Variants in NID2 observed in about 807,000 individuals in gnomAD.
The protein encoded by NID2 is nidogen 2, also known as nidogen-2.
In NID2, 83 loss-of-function variants were observed where a neutral mutation model predicts 145.4. The observed-to-expected ratio is 0.57, with a 90% CI of 0.48 to 0.69. NID2 has a LOEUF of 0.69. Among genes scored for constraint, NID2 ranks in the 30% least tolerant of loss-of-function variants. The pLI is 0.00. For synonymous variants in NID2, 739 were observed against 701.3 expected, an observed-to-expected ratio of 1.05 and a Z score of -0.85; for missense variants, 1,807 against 1,765.7, an observed-to-expected ratio of 1.02 and a Z score of -0.42.
rs369555436 is a variant in NID2 at position 52,020,130 on chromosome 14, T to C, written c.2723A>G (p.Tyr908Cys). 1 of 1,614,162 alleles carries C rather than the reference T, an allele frequency of 6.2e-7. No homozygotes were observed. Residue 908 changes from tyrosine (Y) to cysteine (C), a missense_variant, in exon 13 of 22, where the codon TAC becomes TGC. By Grantham distance (194) the Tyr-to-Cys change is radical. Transcript: ENST00000216286. ...GCAGGAGAAGGAACCAGGAGTATTG[T>C]AGCAGGTAGCTGCAGGGTGACATCT... ...ENRCHPAATC[Y>C]NTPGSFSCRC...
At chr14:52,007,610 T>C (rs1333497645) in intron 19 of NID2, 200 bp downstream of exon 19, 8 of 576,790 alleles carry the variant, frequency 1.4e-5, no homozygotes, top group South Asian at 1.1e-4. Flanking sequence ...TACTGCTTGA[T>C]ATATCCTTCC....
chr14:52,020,307 G>A, intron 12 of NID2, 129 bp from the exon 13 acceptor site: 1 of 1,452,536 alleles, frequency 6.9e-7, no homozygotes, highest in Non-Finnish European at 9.1e-7. Context: ...GAAGACCTTT[G>A]AGCATGAGCA....
At chr14:52,066,004 C>T (rs1003259014) in intron 2 of NID2, among the ~76,000 whole-genome samples, 1 of 151,050 alleles carries the variant, frequency 6.6e-6, no homozygotes, top group Non-Finnish European at 1.5e-5. Context: ...ATTTATAGTC[C>T]TTTGGGTATA....
In NID2 at chr14:52,054,005, G is replaced by T; in HGVS notation, c.1069+15C>A. On this transcript the variant is annotated intron_variant, in intron 4 of 21. Coordinates refer to ENST00000216286, the MANE Select transcript of NID2 (RefSeq NM_007361.4). ...AAGGGGGAGGACAGATCAGAATCTGGAGGGGAGATCCTACCCTCTAAAGGC... is the reference window on the plus strand; with the variant it reads ...AAGGGGGAGGACAGATCAGAATCTGTAGGGGAGATCCTACCCTCTAAAGGC... 6.2e-7 allele frequency: 1 copy of T among 1,611,588 alleles called. No homozygotes were observed. Among genetic ancestry groups the T allele is most frequent in the African/African-American group, 1.3e-5 (1 of 74,974 alleles).
intron 18 of NID2, 132 bp downstream of exon 18, chr14:52,010,744 G>T: frequency 6.9e-6 from 6 of 868,108 alleles, no homozygotes. Flanking sequence ...TAGATCCTCA[G>T]TAAATCTTTG....
In NID2 at chr14:52,005,691, C is replaced by T. The variant is rs769939498; in HGVS notation, c.4117+46G>A. ...TAATCAAATACCATATATATCCCTT[C>T]TCTACCCTGCTAATTTAAAGGAGCA... On this transcript the variant is annotated intron_variant, in intron 21 of 21. Coordinates refer to ENST00000216286, the MANE Select transcript of NID2 (RefSeq NM_007361.4). 3 of 1,494,278 alleles carry T rather than the reference C, an allele frequency of 2.0e-6. No individual in the cohort carries two copies. In the East Asian group the frequency reaches 6.8e-5, roughly 34 times the overall value. 92.6% of individuals were successfully genotyped at this position (1,494,278 alleles called of 1,614,324 possible).
At chr14:52,014,516 GAA>G (rs1891147674) in intron 15 of NID2, 60 bp from the exon 16 acceptor site, 4 of 1,522,106 alleles carry the variant, frequency 2.6e-6, no homozygotes, top group South Asian at 1.2e-5. Flanking sequence ...GAGATGGGAA[GAA>G]AAGTTACTTT....
intron 17 of NID2, among the ~76,000 whole-genome samples, 182 bp downstream of exon 17, chr14:52,011,372 A>G (rs866555070): frequency 2.8e-4 from 43 of 152,308 alleles, no homozygotes; most frequent in African/African-American, 1.0e-3. Context: ...CACCTATTTC[A>G]TTCCGTATGT....
Position 52,042,479 on chromosome 14 carries a change from C to A in NID2, c.1580-129G>T, listed in dbSNP as rs1353601763. The A allele has an allele frequency of 3.4e-6, 4 of 1,189,362 alleles. No homozygotes were observed. In the African/African-American group the frequency reaches 6.1e-5, roughly 18 times the overall value. The allele number at this position is 1,189,362 out of a possible 1,614,324, so 73.7% of individuals were successfully genotyped here. ...GCAAGTCACTTTAATGATTTCCTAA[C>A]CAACCAATTATCCATCTATGAAACA... On this transcript the variant is annotated intron_variant, in intron 6 of 21. Coordinates refer to ENST00000216286, the MANE Select transcript of NID2 (RefSeq NM_007361.4).
At position 52,042,449 on chromosome 14, in the gene NID2, C is replaced by T; in HGVS notation, c.1580-99G>A. ...CCACTGACAACTTCCAAAACTCACT[C>T]TTTAGCAAGTCACTTTAATGATTTC... is the stretch of plus-strand genomic sequence containing the variant. On this transcript the variant is annotated intron_variant, in intron 6 of 21. Coordinates refer to ENST00000216286, the MANE Select transcript of NID2 (RefSeq NM_007361.4). 2.2e-6 allele frequency: 3 copies of T among 1,386,136 alleles called. No individual in the cohort carries two copies. In the Admixed American group the frequency reaches 6.6e-5, roughly 30 times the overall value. 85.9% of individuals were successfully genotyped at this position (1,386,136 alleles called of 1,614,324 possible).
At chr14:52,008,671 A>C (rs758497598) in intron 18 of NID2, 1 of 152,214 alleles carries the variant, frequency 6.6e-6, no homozygotes, top group Non-Finnish European at 1.5e-5. Context: ...AACTGCCCCA[A>C]AACCCTCCGT....
intron 2 of NID2, among the ~76,000 whole-genome samples, chr14:52,062,971 CA>C (rs1176344857): frequency 1.3e-5 from 2 of 152,192 alleles, no homozygotes; most frequent in African/African-American, 4.8e-5. Context: ...AGGAAGGAAA[CA>C]ACTTCCTTTT....
chr14:52,013,002 G>A (rs1891089091), intron 16 of NID2, among the ~76,000 whole-genome samples: 2 of 152,302 alleles, frequency 1.3e-5, no homozygotes, highest in African/African-American at 4.8e-5. Flanking sequence ...CAGCTTATAT[G>A]GGGGGCGGGC....
intron 5 of NID2, among the ~76,000 whole-genome samples, chr14:52,047,249 C>A (rs1892532803): frequency 6.6e-6 from 1 of 152,014 alleles, no homozygotes; most frequent in Admixed American, 6.6e-5. Context: ...CAGAGAAAGA[C>A]AAGAGGGTGG....
At chr14:52,040,607 G>C (rs762550660) in intron 8 of NID2, 44 bp downstream of exon 8, 74 of 1,526,652 alleles carry the variant, frequency 4.8e-5, no homozygotes, top group Non-Finnish European at 6.7e-5. Flanking sequence ...TTGTGAGATG[G>C]GCATAATCCC....
chr14:52,068,941 T>G lies in NID2; in HGVS notation c.54A>C (p.Leu18=), dbSNP rs201226238. The change falls in exon 1 of 22, where the codon CTA becomes CTC. Residue 18 remains leucine, a synonymous_variant. Transcript: ENST00000216286. ...GCAACATTAGCAACGGCAGCAGCAG[T>G]AGCACTGGTAACGACGACAGCACCG... The part of the protein sequence containing the change: ...GRPVLSSLPV[L]LLLPLLMLRA... 416 of 1,613,438 alleles carry G rather than the reference T, an allele frequency of 2.6e-4. 3 individuals are homozygous for G. In the Admixed American group the frequency reaches 6.9e-3, roughly 27 times the overall value.
At chr14:52,049,665 C>T (rs565886694) in intron 5 of NID2, among the ~76,000 whole-genome samples, 90 of 151,598 alleles carry the variant, frequency 5.9e-4, no homozygotes, top group Non-Finnish European at 1.1e-3. Flanking sequence ...AAAACCATAT[C>T]CAACTTTATA....
chr14:52,006,504 T>A (rs1049554446), intron 20 of NID2, 33 bp downstream of exon 20: 1 of 1,611,352 alleles, frequency 6.2e-7, no homozygotes, highest in African/African-American at 1.3e-5. Flanking sequence ...ACAGTTGGCC[T>A]TTTCAGGCTT....
rs1594993386 is a variant in NID2 at position 52,006,292 on chromosome 14, G to GCTACTTTTTAAGCTATATGT, written c.4004+225_4004+244dup. 8 of 455,484 alleles carry GCTACTTTTTAAGCTATATGT rather than the reference G, an allele frequency of 1.8e-5. No homozygotes were observed. In the East Asian group the frequency reaches 3.1e-4, roughly 18 times the overall value. The allele number at this position is 455,484 out of a possible 1,614,324, so 28.2% of individuals were successfully genotyped here. On this transcript the variant is annotated intron_variant, in intron 20 of 21. Transcript: ENST00000216286. Reference sequence around the variant, plus strand: ...TTTTGAGACATTATCCAATAGCTTTGCTACTTTTTAAGCTATATGTGAGCA... The same window carrying GCTACTTTTTAAGCTATATGT: ...TTTTGAGACATTATCCAATAGCTTTGCTACTTTTTAAGCTATATGTCTACTTTTTAAGCTATATGTGAGCA...
Sources: gnomAD v4.1 joint callset for allele counts (sites outside exome capture counted in the v4.1 genomes callset) on GRCh38, gnomAD v4.1.1 for gene constraint, MANE v1.5 for transcripts, NCBI Gene and HGNC (gene_info 2026-07-23, HGNC 2026-07-21) for gene names.